The following XXYLT1 variants were observed in gnomAD, a reference collection of about 807,000 sequenced individuals.
XXYLT1 encodes UDP-xylose:alpha-xyloside alpha-1,3-xylosyltransferase.
A neutral mutation model predicts 28.9 loss-of-function variants in XXYLT1; 20 were observed. The ratio of observed to expected loss-of-function variants is 0.69; its 90% CI spans 0.49 to 1.00. The LOEUF is 1.00. XXYLT1 is among the 50% of genes least tolerant of loss of function. The pLI is 0.00. For missense variants in XXYLT1, 542 were observed against 560.1 expected, an observed-to-expected ratio of 0.97 and a Z score of 0.33; for synonymous variants, 257 against 253.8, an observed-to-expected ratio of 1.01 and a Z score of -0.12.
At chr3:195,143,803 T>TATAG (rs1719628250) in intron 3 of XXYLT1, among the ~76,000 whole-genome samples, 1 of 84,182 alleles carries the variant, frequency 1.2e-5, no homozygotes, top group Non-Finnish European at 2.5e-5. Context: ...TATATATAGA[T>TATAG]AGATATATAT....
rs938328384 is a variant in XXYLT1 at position 195,088,134 on chromosome 3, G to C, written c.786-18023C>G. ...GGGGCGCCCGCCATTGCCCAGGCTT[G>C]ATTAGGTAAACAAAGCAGCCGGGAA... On this transcript the variant is annotated intron_variant, in intron 3 of 3. Transcript: ENST00000310380. 2.7e-5 allele frequency among the ~76,000 whole-genome samples: 4 copies of C among 150,612 alleles called. No individual in the cohort carries two copies. In the East Asian group the frequency reaches 7.8e-4, roughly 29 times the overall value.
rs191525960 is a variant in XXYLT1, at chr3:195,176,951, G to A, written c.653-20370C>T. Among the ~76,000 whole-genome samples, 43 of 151,174 alleles carry A rather than the reference G, an allele frequency of 2.8e-4. No homozygotes were observed. Among genetic ancestry groups the A allele is most frequent in the East Asian group, 1.2e-3 (6 of 5,176 alleles). ...GGGACTAACTCCCCGGCCTGCTGCC[G>A]CTGCTGACGTCCCCCCGCCACAGCA... On this transcript the variant is annotated intron_variant, in intron 2 of 3. Coordinates refer to ENST00000310380, the MANE Select transcript of XXYLT1 (RefSeq NM_152531.5). The surrounding 1 kb of genome is among the most constrained non-coding windows in gnomAD (Gnocchi z 4.9).
At chr3:195,141,682 C>G (rs1719499626) in intron 3 of XXYLT1, among the ~76,000 whole-genome samples, 1 of 152,190 alleles carries the variant, frequency 6.6e-6, no homozygotes, top group African/African-American at 2.4e-5. Context: ...ATCTCAGAAC[C>G]CTTGCCAGCC....
chr3:195,122,780 G>A (rs375110623), intron 3 of XXYLT1, among the ~76,000 whole-genome samples: 4 of 152,210 alleles, frequency 2.6e-5, no homozygotes, highest in Non-Finnish European at 4.4e-5. Flanking sequence ...GGGGCGACAC[G>A]CTCCCCTTGG....
Position 195,110,545 on chromosome 3 carries a change from GGT to G in XXYLT1, c.786-40436_786-40435del, listed in dbSNP as rs761573003. The stretch of plus-strand genomic sequence containing the variant: ...GCGTGGTGTACGTGTGCGTGTGTGT[GGT>G]GTGTGTGTGGTGTATGTATGTGGTG... On this transcript the variant is annotated intron_variant, in intron 3 of 3. Transcript: ENST00000310380. 1.2e-3 allele frequency among the ~76,000 whole-genome samples: 17 copies of G among 14,048 alleles called. 6 individuals carry two copies. Among genetic ancestry groups the G allele is most frequent in the Non-Finnish European group, 2.8e-3 (15 of 5,368 alleles). The allele number at this position is 14,048 out of a possible 152,430, so 9.2% of individuals were successfully genotyped here.
chr3:195,265,076 A>C lies in XXYLT1; in HGVS notation c.504+5479T>G, dbSNP rs373929097. Among the ~76,000 whole-genome samples the C allele has an allele frequency of 3.3e-5, 5 of 151,376 alleles. No homozygotes were observed. In the East Asian group the frequency reaches 7.7e-4, roughly 23 times the overall value. On this transcript the variant is annotated intron_variant, in intron 1 of 3. Transcript: ENST00000310380. ...AACCCTATCTCAAAAAAAAAAAAAG[A>C]GTAAAAGAAAAGGCCAGGCACGGTG...
chr3:195,073,444 A>G (rs1478206636), intron 3 of XXYLT1, among the ~76,000 whole-genome samples: 1 of 152,168 alleles, frequency 6.6e-6, no homozygotes, highest in Non-Finnish European at 1.5e-5. Context: ...TTTGGTTCTG[A>G]GTCCTGGAGC....
intron 2 of XXYLT1, among the ~76,000 whole-genome samples, chr3:195,172,513 C>T (rs1348646844): frequency 6.6e-6 from 1 of 152,186 alleles, no homozygotes; most frequent in Non-Finnish European, 1.5e-5. Context: ...CTGTTCATGA[C>T]TAACAACTTT....
chr3:195,263,541 C>T (rs960754070), intron 1 of XXYLT1, among the ~76,000 whole-genome samples: 8 of 152,200 alleles, frequency 5.3e-5, no homozygotes, highest in Admixed American at 1.3e-4. Context: ...GCGCCCCTCA[C>T]GCTGTGCCCC....
Position 195,210,374 on chromosome 3 carries a change from G to T in XXYLT1, c.652+16335C>A, listed in dbSNP as rs558098260. Among the ~76,000 whole-genome samples the T allele has an allele frequency of 6.6e-6, 1 of 152,180 alleles. No homozygotes were observed. Among genetic ancestry groups the T allele is most frequent in the African/African-American group, 2.4e-5 (1 of 41,440 alleles). On this transcript the variant is annotated intron_variant, in intron 2 of 3. Coordinates refer to ENST00000310380, the MANE Select transcript of XXYLT1 (RefSeq NM_152531.5). The surrounding 1 kb of genome is among the most constrained non-coding windows in gnomAD (Gnocchi z 4.8). The stretch of plus-strand genomic sequence containing the variant: ...GCTCCCCAAGGGCAGGACTGCTGTC[G>T]TGCCCCAGTGCCCTGAACACAGTGG...
At chr3:195,244,634 C>T (rs1241686297) in intron 1 of XXYLT1, among the ~76,000 whole-genome samples, 15 of 149,460 alleles carry the variant, frequency 1.0e-4, no homozygotes, top group South Asian at 2.1e-4. Flanking sequence ...TGGTGGAGGG[C>T]GCCTGTAATC....
chr3:195,145,662 G>A (rs1329213011), intron 3 of XXYLT1, among the ~76,000 whole-genome samples: 2 of 145,644 alleles, frequency 1.4e-5, no homozygotes, highest in African/African-American at 2.8e-5. Context: ...GGGGCCCTGC[G>A]AGCATCTCTG....
At position 195,124,107 on chromosome 3, in the gene XXYLT1, C is replaced by T. The variant is rs1005102423; in HGVS notation, c.785+32342G>A. Reference sequence around the variant, plus strand: ...TTCTCAAACTTACTTGATCATTACACCCTTTTCTTCCAGGACACATTCTGG... The same window carrying T: ...TTCTCAAACTTACTTGATCATTACATCCTTTTCTTCCAGGACACATTCTGG... On this transcript the variant is annotated intron_variant, in intron 3 of 3. Transcript: ENST00000310380. This position sits in a 1 kb window ranked among gnomAD's most constrained non-coding sequence, Gnocchi z 4.1. Among the ~76,000 whole-genome samples, 2 of 152,218 alleles carry T rather than the reference C, an allele frequency of 1.3e-5. No homozygotes were observed. Among genetic ancestry groups the T allele is most frequent in the Non-Finnish European group, 2.9e-5 (2 of 68,048 alleles).
Position 195,069,118 on chromosome 3 carries a change from T to C in XXYLT1, c.*597A>G, listed in dbSNP as rs1714655386. 6.5e-6 allele frequency: 1 copy of C among 152,672 alleles called. No individual in the cohort carries two copies. Among genetic ancestry groups the C allele is most frequent in the Non-Finnish European group, 1.5e-5 (1 of 68,410 alleles). 9.5% of individuals were successfully genotyped at this position (152,672 alleles called of 1,614,324 possible). A position where few individuals can be genotyped will look rare whatever the true frequency, so the allele number is the denominator to read the frequency against. On this transcript the variant is annotated 3_prime_UTR_variant, in exon 4 of 4. Transcript: ENST00000310380. ...CAGGCCCCAGTTGGTCCTGAAGTCC[T>C]TCCTCAAAGAGGCGATCCTGAAACC...
intron 2 of XXYLT1, among the ~76,000 whole-genome samples, chr3:195,198,619 C>G (rs767659764): frequency 2.6e-5 from 4 of 152,168 alleles, no homozygotes; most frequent in Non-Finnish European, 5.9e-5. Context: ...AATTAATGTT[C>G]ACAAACTGAT....
At position 195,195,636 on chromosome 3, in the gene XXYLT1, G is replaced by C. The variant is rs1226889977; in HGVS notation, c.652+31073C>G. ...CATGAATGAAAAGCTTTTGTGCCCT[G>C]GTCCCTTCACTCTGGCAGTTCCCCT... On this transcript the variant is annotated intron_variant, in intron 2 of 3. Coordinates refer to ENST00000310380, the MANE Select transcript of XXYLT1 (RefSeq NM_152531.5). The surrounding 1 kb of genome is among the most constrained non-coding windows in gnomAD (Gnocchi z 4.4). 3.9e-5 allele frequency among the ~76,000 whole-genome samples: 6 copies of C among 152,296 alleles called. No individual in the cohort carries two copies. In the South Asian group the frequency reaches 8.3e-4, roughly 21 times the overall value.
At position 195,168,881 on chromosome 3, in the gene XXYLT1, C is replaced by A. The variant is rs1721258073; in HGVS notation, c.653-12300G>T. 6.6e-6 allele frequency among the ~76,000 whole-genome samples: 1 copy of A among 152,226 alleles called. No individual in the cohort carries two copies. On this transcript the variant is annotated intron_variant, in intron 2 of 3. Transcript: ENST00000310380. The surrounding 1 kb of genome is among the most constrained non-coding windows in gnomAD (Gnocchi z 4.3). ...TGCAAGTTAGTCCCCATCCCCATCA[C>A]AAAGTCTGAGCTCTTTTGCCTCAAT...
chr3:195,201,717 C>T (rs1176314014), intron 2 of XXYLT1, among the ~76,000 whole-genome samples: 3 of 152,126 alleles, frequency 2.0e-5, no homozygotes, highest in African/African-American at 7.2e-5. Context: ...ATTTCAGGGA[C>T]CATCTAAATT....
intron 3 of XXYLT1, among the ~76,000 whole-genome samples, chr3:195,074,522 G>GA (rs1309128964): frequency 1.3e-5 from 2 of 152,198 alleles, no homozygotes; most frequent in African/African-American, 4.8e-5. Context: ...CATCCAAGAT[G>GA]AGAGTCCAGG....
Sources: allele counts gnomAD v4.1 joint callset (sites outside exome capture counted in the v4.1 genomes callset), GRCh38; gene constraint gnomAD v4.1.1; non-coding constraint Gnocchi (gnomAD v3.1); transcripts MANE v1.5; gene names NCBI Gene and HGNC (gene_info 2026-07-23, HGNC 2026-07-21).